The following POU2F1 variants were observed in gnomAD, a reference collection of about 807,000 sequenced individuals.
POU2F1 encodes POU domain, class 2, transcription factor 1.
Under a neutral mutation model 84.9 loss-of-function variants are expected in POU2F1, and 16 were observed. That is an observed-to-expected ratio of 0.19 (90% CI 0.13 to 0.29). The LOEUF (loss-of-function observed/expected upper bound fraction) is 0.29. Among genes scored for constraint, POU2F1 ranks in the 10% least tolerant of loss-of-function variants. The probability of loss-of-function intolerance (pLI) is 1.00; values close to 1 mark genes in which losing one functional copy is unlikely to be tolerated. For missense variants in POU2F1, 738 were observed against 942.6 expected (o/e 0.78, Z 2.84); for synonymous variants, 368 against 368.3 (o/e 1.00, Z 0.01).
At chr1:167,397,359 C>G (rs1648878971) in intron 10 of POU2F1, among the ~76,000 whole-genome samples, 1 of 151,924 alleles carries the variant, frequency 6.6e-6, no homozygotes, top group Non-Finnish European at 1.5e-5. Context: ...TCCTTTTATC[C>G]CCAGAACTTA....
At chr1:167,386,052 A>T (rs889822810) in intron 8 of POU2F1, among the ~76,000 whole-genome samples, 1 of 152,260 alleles carries the variant, frequency 6.6e-6, no homozygotes, top group Non-Finnish European at 1.5e-5. Context: ...ATCACTACAC[A>T]GTCACTAGAA....
Position 167,371,974 on chromosome 1 carries a change from CCT to C in POU2F1, c.341_342del (p.Pro114LeufsTer184). The C allele has an allele frequency of 6.2e-7, 1 of 1,614,164 alleles. No individual in the cohort carries two copies. Among genetic ancestry groups the C allele is most frequent in the Non-Finnish European group, 8.5e-7 (1 of 1,180,002 alleles). ...SQQPSQPSQQPSVQAAIPQTQ... is the reference protein window; with the variant it reads ...SQQPSQPSQQXSVQAAIPQTQ... ...GCAGCCAAGCCAGCCTTCCCAGCAG[CCT>C]TCAGTGCAGGCAGCCATTCCCCAGA... On this transcript the variant is annotated frameshift_variant, in exon 5 of 16. Transcript: ENST00000367866. LOFTEE classifies it high-confidence loss of function.
chr1:167,405,536 A>G (rs1649512387), intron 13 of POU2F1, among the ~76,000 whole-genome samples: 1 of 152,000 alleles, frequency 6.6e-6, no homozygotes, highest in Non-Finnish European at 1.5e-5. Context: ...AAAATGAGCA[A>G]AATTAGCCAG....
chr1:167,369,012 G>A (rs1253080034), intron 3 of POU2F1, among the ~76,000 whole-genome samples: 2 of 152,164 alleles, frequency 1.3e-5, no homozygotes, highest in East Asian at 3.9e-4. Flanking sequence ...GTAGTGCATT[G>A]CAGAGACTTT....
At chr1:167,310,175 T>A (rs1655358419) in intron 1 of POU2F1, among the ~76,000 whole-genome samples, 1 of 152,030 alleles carries the variant, frequency 6.6e-6, no homozygotes, top group African/African-American at 2.4e-5. Context: ...ATTTAACTCC[T>A]GGACTGTTAG....
chr1:167,350,253 G>T (rs1219050528), intron 2 of POU2F1, among the ~76,000 whole-genome samples: 3 of 152,158 alleles, frequency 2.0e-5, no homozygotes, highest in Non-Finnish European at 4.4e-5. Context: ...AGAATAAAAA[G>T]AGTACCTTGC....
intron 1 of POU2F1, among the ~76,000 whole-genome samples, chr1:167,319,936 G>C (rs1656192812): frequency 6.6e-6 from 1 of 152,312 alleles, no homozygotes; most frequent in Non-Finnish European, 1.5e-5. Context: ...ATCTGCATTT[G>C]AGACCAGAGG....
intron 1 of POU2F1, among the ~76,000 whole-genome samples, chr1:167,328,076 A>G (rs1241741064): frequency 6.6e-6 from 1 of 152,176 alleles, no homozygotes; most frequent in Non-Finnish European, 1.5e-5. Flanking sequence ...AGGATTATAT[A>G]TATGTATGTA....
intron 13 of POU2F1, among the ~76,000 whole-genome samples, chr1:167,411,478 G>A (rs756230094): frequency 1.1e-4 from 17 of 151,942 alleles, no homozygotes; most frequent in Non-Finnish European, 1.9e-4. Flanking sequence ...ATGTAGAGAA[G>A]GCATGTAGTC....
chr1:167,397,369 A>G (rs373350283), intron 10 of POU2F1, among the ~76,000 whole-genome samples: 6 of 152,334 alleles, frequency 3.9e-5, no homozygotes, highest in South Asian at 2.1e-4. Context: ...CCCAGAACTT[A>G]TAAACAAACA....
intron 1 of POU2F1, among the ~76,000 whole-genome samples, chr1:167,268,432 T>C (rs1652133491): frequency 6.6e-6 from 1 of 152,094 alleles, no homozygotes. Flanking sequence ...TCTCAGTCTG[T>C]CAAGTTCAAG....
At chr1:167,400,641 T>G (rs1321506013) in intron 12 of POU2F1, among the ~76,000 whole-genome samples, 1 of 152,250 alleles carries the variant, frequency 6.6e-6, no homozygotes, top group Non-Finnish European at 1.5e-5. Context: ...ATTCCTAGAC[T>G]GAAGAGACAT....
chr1:167,363,295 G>A (rs35052512), intron 2 of POU2F1, among the ~76,000 whole-genome samples: 2,688 of 151,970 alleles, frequency 0.018, 24 homozygotes, highest in South Asian at 0.04. Context: ...TGCTTGTCTC[G>A]GTTTTTCAAA....
At chr1:167,309,005 T>C (rs1173613871) in intron 1 of POU2F1, among the ~76,000 whole-genome samples, 1 of 152,152 alleles carries the variant, frequency 6.6e-6, no homozygotes, top group African/African-American at 2.4e-5. Flanking sequence ...TTTTTCCTTA[T>C]CCAGATTGTC....
chr1:167,303,030 C>A (rs1654822733), intron 1 of POU2F1, among the ~76,000 whole-genome samples: 1 of 152,146 alleles, frequency 6.6e-6, no homozygotes, highest in African/African-American at 2.4e-5. Context: ...ACATCCATAG[C>A]AACCTGTATG....
intron 2 of POU2F1, among the ~76,000 whole-genome samples, chr1:167,359,759 T>C (rs986568443): frequency 6.6e-6 from 1 of 152,122 alleles, no homozygotes; most frequent in Non-Finnish European, 1.5e-5. Flanking sequence ...ATTGCCAAAC[T>C]GCTTTCCACA....
intron 2 of POU2F1, among the ~76,000 whole-genome samples, chr1:167,353,885 A>G (rs1658761516): frequency 2.6e-5 from 4 of 152,224 alleles, no homozygotes; most frequent in Non-Finnish European, 5.9e-5. Context: ...TTTTTCTACC[A>G]CAAAAATAAC....
intron 2 of POU2F1, among the ~76,000 whole-genome samples, chr1:167,344,326 A>G (rs1658053088): frequency 6.6e-6 from 1 of 152,194 alleles, no homozygotes; most frequent in South Asian, 2.1e-4. Context: ...GTCCTGCCAT[A>G]GGAGCCTTAA....
chr1:167,378,243 G>T (rs534881728), intron 7 of POU2F1, among the ~76,000 whole-genome samples: 1 of 152,094 alleles, frequency 6.6e-6, no homozygotes, highest in Admixed American at 6.5e-5. Context: ...TTTGTTTTTT[G>T]GGATTTTAAG....
Sources: allele counts gnomAD v4.1 joint callset (sites outside exome capture counted in the v4.1 genomes callset), GRCh38; gene constraint gnomAD v4.1.1; transcripts MANE v1.5; gene names NCBI Gene and HGNC (gene_info 2026-07-23, HGNC 2026-07-21).